UGT1A3: variants seen among roughly 807,000 people sequenced by gnomAD.
UGT1A3 encodes the protein UDP glucuronosyltransferase family 1 member A3, also known as UDP-glucuronosyltransferase 1A3.
A neutral mutation model predicts 41.0 loss-of-function variants in UGT1A3; 31 were observed. That is an observed-to-expected ratio of 0.76 (90% confidence interval 0.57 to 1.02). The LOEUF (loss-of-function observed/expected upper bound fraction) is 1.02, where lower values mean the gene tolerates loss of function less well. UGT1A3 is among the 50% of genes least tolerant of loss of function. The pLI, the probability that UGT1A3 is intolerant of heterozygous loss-of-function variation, is 0.00. For missense variants in UGT1A3, 737 were observed against 671.0 expected, an observed-to-expected ratio of 1.10 and a Z score of -1.09; for synonymous variants, 262 against 257.6, an observed-to-expected ratio of 1.02 and a Z score of -0.17.
intron 1 of UGT1A3, chr2:233,744,014 C>A: frequency 9.4e-7 from 1 of 1,062,354 alleles, no homozygotes; most frequent in African/African-American, 1.7e-5. Flanking sequence ...CCTGGGCCGC[C>A]TGGAGAGACG....
chr2:233,756,091 CATT>C (rs1696120004), intron 1 of UGT1A3: 1 of 152,178 alleles, frequency 6.6e-6, no homozygotes, highest in Admixed American at 6.5e-5. Context: ...AATCAAGTAA[CATT>C]ATTACGGAAA....
chr2:233,771,791 C>T (rs868802241), intron 4 of UGT1A3, among the ~76,000 whole-genome samples: 2 of 146,520 alleles, frequency 1.4e-5, no homozygotes, highest in Middle Eastern at 6.9e-3. Flanking sequence ...TCTCTCCCTC[C>T]CTCCCTCCCT....
At chr2:233,753,198 T>C (rs1454956854) in intron 1 of UGT1A3, 2 of 152,228 alleles carry the variant, frequency 1.3e-5, no homozygotes. Flanking sequence ...TCAAAAGCCC[T>C]GACAGTCTGT....
At chr2:233,742,811 A>G (rs1335727618) in intron 1 of UGT1A3, 2 of 153,508 alleles carry the variant, frequency 1.3e-5, no homozygotes, top group Non-Finnish European at 2.9e-5. Flanking sequence ...AAGTATTGAT[A>G]TTATTTGTAG....
intron 1 of UGT1A3, chr2:233,754,551 G>A (rs1002351204): frequency 7.8e-6 from 3 of 386,102 alleles, no homozygotes; most frequent in African/African-American, 4.2e-5. Context: ...ATTACTTGGT[G>A]TCAATGGGGA....
At position 233,740,170 on chromosome 2, in the gene UGT1A3, T is replaced by C. The variant is rs191572005; in HGVS notation, c.867+10177T>C. ...TGAGGCCTCCCCAGTCATGTGGAAC[T>C]GTGAGTCAATTAAACCTCTTTCTTT... On this transcript the variant is annotated intron_variant, in intron 1 of 4. Transcript: ENST00000482026. Among the ~76,000 whole-genome samples the C allele has an allele frequency of 5.3e-5, 8 of 151,994 alleles. No individual in the cohort carries two copies. The East Asian group carries it at 1.5e-3, about 29-fold the overall frequency.
chr2:233,729,355 C>G lies in UGT1A3; in HGVS notation c.229C>G (p.Leu77Val). ...MHIKEENFFT[L>V]TTYAISWTQD... ...CATCAAAGAAGAGAACTTTTTCACC[C>G]TGACAACCTATGCCATTTCGTGGAC... The change falls in exon 1 of 5, where the codon CTG (leucine) becomes GTG (valine). Residue 77 changes from leucine to valine, a missense_variant. Leu to Val is a conservative substitution (Grantham distance 32, BLOSUM62 1). Transcript: ENST00000482026. 6.2e-7 allele frequency: 1 copy of G among 1,614,166 alleles called. No individual in the cohort carries two copies. Among genetic ancestry groups the G allele is most frequent in the Non-Finnish European group, 8.5e-7 (1 of 1,180,000 alleles).
At chr2:233,736,248 A>G (rs2078745941) in intron 1 of UGT1A3, among the ~76,000 whole-genome samples, 1 of 151,866 alleles carries the variant, frequency 6.6e-6, no homozygotes, top group Non-Finnish European at 1.5e-5. Context: ...TTCTCACTTT[A>G]TTTCATTAAT....
rs760844779 is a variant in UGT1A3 at position 233,772,567 on chromosome 2, G to A, written c.*8G>A. On this transcript the variant is annotated 3_prime_UTR_variant, in exon 5 of 5. Transcript: ENST00000482026. ...AAATCCAAGACCCATTGAGAAGTGG[G>A]TGGGAAATAAGGTAAAATTTTGAAC... 6.2e-7 allele frequency: 1 copy of A among 1,612,906 alleles called. No individual in the cohort carries two copies.
chr2:233,764,154 G>A (rs967840775), intron 1 of UGT1A3, among the ~76,000 whole-genome samples: 1 of 152,226 alleles, frequency 6.6e-6, no homozygotes, highest in Non-Finnish European at 1.5e-5. Flanking sequence ...TTTGGCTGGT[G>A]AAGTCTCATC....
chr2:233,764,444 A>G (rs1698561692), intron 1 of UGT1A3, among the ~76,000 whole-genome samples: 2 of 152,188 alleles, frequency 1.3e-5, no homozygotes, highest in African/African-American at 4.8e-5. Context: ...CTTTTGTGCC[A>G]TTTAAACTTT....
chr2:233,747,983 C>T (rs539831908), intron 1 of UGT1A3: 1 of 1,613,300 alleles, frequency 6.2e-7, no homozygotes, highest in Non-Finnish European at 8.5e-7. Flanking sequence ...TGTGGCTGTT[C>T]CGAGGGGACT....
intron 1 of UGT1A3, chr2:233,741,793 C>T (rs1691771418): frequency 6.6e-6 from 1 of 151,878 alleles, no homozygotes; most frequent in South Asian, 2.1e-4. Context: ...AAAAAATTAC[C>T]AGCATGCTGC....
intron 1 of UGT1A3, chr2:233,743,526 C>T (rs1373846752): frequency 7.3e-7 from 1 of 1,367,230 alleles, no homozygotes; most frequent in Admixed American, 1.9e-5. Flanking sequence ...TTCTGCTTCC[C>T]CAGCAGTTCC....
intron 1 of UGT1A3, chr2:233,756,153 G>A (rs1213505703): frequency 6.6e-6 from 1 of 152,140 alleles, no homozygotes; most frequent in Non-Finnish European, 1.5e-5. Flanking sequence ...GGGATCCCTA[G>A]GATTTCCTGG....
intron 2 of UGT1A3, among the ~76,000 whole-genome samples, chr2:233,767,578 TTCCCTTAAAGTGC>T (rs1361254822): frequency 6.6e-6 from 1 of 152,218 alleles, no homozygotes; most frequent in African/African-American, 2.4e-5. Context: ...TAAGCAAACT[TTCCCTTAAAGTGC>T]AGGAAAGTGA....
At chr2:233,764,825 G>A (rs1698655202) in intron 1 of UGT1A3, among the ~76,000 whole-genome samples, 1 of 152,070 alleles carries the variant, frequency 6.6e-6, no homozygotes, top group African/African-American at 2.4e-5. Flanking sequence ...ATGCAGCATG[G>A]TGGTGGGGAG....
At chr2:233,755,148 T>TAGC in intron 1 of UGT1A3, 2 of 1,299,464 alleles carry the variant, frequency 1.5e-6, no homozygotes, top group East Asian at 9.2e-5. Context: ...TCTCACCGCT[T>TAGC]CCTCCCTGTC....
chr2:233,747,635 GA>G (rs1268887921), intron 1 of UGT1A3: 1 of 1,581,650 alleles, frequency 6.3e-7, no homozygotes, highest in African/African-American at 1.4e-5. Flanking sequence ...TCAGGCACCT[GA>G]ATGCTACTTC....
Sources: allele counts gnomAD v4.1 joint callset (sites outside exome capture counted in the v4.1 genomes callset), GRCh38; gene constraint gnomAD v4.1.1; transcripts MANE v1.5; gene names NCBI Gene and HGNC (gene_info 2026-07-23, HGNC 2026-07-21).